Variants in CCDC73 observed in about 807,000 individuals in gnomAD.
CCDC73 encodes coiled-coil domain-containing protein 73.
CCDC73 carries 95 observed loss-of-function variants against 116.5 expected under a neutral mutation model. The ratio of observed to expected loss-of-function variants is 0.82; its 90% confidence interval spans 0.69 to 0.97. The LOEUF is 0.97. Ranked by LOEUF, CCDC73 falls within the 50% of genes least tolerant of loss-of-function variation. CCDC73 has a pLI of 0.00. For missense variants in CCDC73, 1,066 were observed against 1,206.8 expected, an observed-to-expected ratio of 0.88 and a Z score of 1.73; for synonymous variants, 398 against 401.3, an observed-to-expected ratio of 0.99 and a Z score of 0.10.
chr11:32,619,643 A>G (rs1250055973), intron 14 of CCDC73, among the ~76,000 whole-genome samples: 1 of 149,910 alleles, frequency 6.7e-6, no homozygotes, highest in Non-Finnish European at 1.5e-5. Flanking sequence ...ACTGCACTCC[A>G]GCCTGGGTGA....
At chr11:32,789,303 T>C (rs1850654484) in intron 1 of CCDC73, among the ~76,000 whole-genome samples, 1 of 152,174 alleles carries the variant, frequency 6.6e-6, no homozygotes, top group African/African-American at 2.4e-5. Context: ...AGATCAGTTA[T>C]AAAATCAAGT....
chr11:32,825,650 A>G, the CCDC73 span, among the ~76,000 whole-genome samples: 1 of 152,216 alleles, frequency 6.6e-6, no homozygotes, highest in African/African-American at 2.4e-5. Flanking sequence ...ATAGCTAGAA[A>G]TGCCTAATTT....
rs1850128681 is a variant in CCDC73, at chr11:32,736,329, C to T, written c.136-18182G>A. Among the ~76,000 whole-genome samples the T allele has an allele frequency of 2.0e-5, 3 of 152,260 alleles. No individual in the cohort carries two copies. In the South Asian group the frequency reaches 6.2e-4, roughly 32 times the overall value. On this transcript the variant is annotated intron_variant, in intron 2 of 17. Coordinates refer to ENST00000335185, the MANE Select transcript of CCDC73 (RefSeq NM_001008391.4). ...AAATTTACAAGAAAAAAACAAACAA[C>T]CCCATCAAAAAGTGGGCAAAGGATA...
At position 32,614,941 on chromosome 11, in the gene CCDC73, A is replaced by G; in HGVS notation, c.1377T>C (p.Asp459=). ...GSFIEEIIID[D]LQLFEKSFKN... ...TGAAGCTTTTTTCAAAAAGCTGTAA[A>G]TCTGTCATGATGGGAACACAGTAAA... The change falls in exon 16 of 18, where the codon GAT becomes GAC. Residue 459 remains aspartate, a splice_region_variant and synonymous_variant. Coordinates refer to ENST00000335185, the MANE Select transcript of CCDC73 (RefSeq NM_001008391.4). 1.3e-6 allele frequency: 2 copies of G among 1,588,596 alleles called. No homozygotes were observed. The highest frequency in any genetic ancestry group is 1.1e-5 in the South Asian group (1 of 88,626).
chr11:32,732,603 G>T (rs1032145242), intron 2 of CCDC73, among the ~76,000 whole-genome samples: 14 of 152,122 alleles, frequency 9.2e-5, no homozygotes, highest in African/African-American at 3.4e-4. Flanking sequence ...AAGAGAGTGG[G>T]GGCCAATCTT....
the CCDC73 span, among the ~76,000 whole-genome samples, chr11:32,805,751 G>T: frequency 6.6e-6 from 1 of 152,076 alleles, no homozygotes; most frequent in Non-Finnish European, 1.5e-5. Flanking sequence ...AAAAGCTATG[G>T]TATTATTTTT....
At chr11:32,637,140 C>A (rs1855689295) in intron 13 of CCDC73, among the ~76,000 whole-genome samples, 1 of 151,358 alleles carries the variant, frequency 6.6e-6, no homozygotes, top group African/African-American at 2.4e-5. Flanking sequence ...CTGCCTCAGC[C>A]TCCCGAACAG....
chr11:32,742,125 G>C (rs962128743), intron 2 of CCDC73, among the ~76,000 whole-genome samples: 3 of 152,142 alleles, frequency 2.0e-5, no homozygotes, highest in African/African-American at 4.8e-5. Context: ...ACATACGTGT[G>C]CATGTGTCTT....
intron 12 of CCDC73, among the ~76,000 whole-genome samples, chr11:32,652,737 C>T (rs1855837584): frequency 6.6e-6 from 1 of 152,120 alleles, no homozygotes; most frequent in Admixed American, 6.6e-5. Context: ...GAGAGATCTA[C>T]CCCAAACTTC....
chr11:32,823,398 C>A, the CCDC73 span, among the ~76,000 whole-genome samples: 1 of 152,046 alleles, frequency 6.6e-6, no homozygotes, highest in Non-Finnish European at 1.5e-5. Context: ...CGCTTGAACC[C>A]GGGAGGTGGA....
intron 9 of CCDC73, among the ~76,000 whole-genome samples, chr11:32,656,980 C>A (rs917962885): frequency 6.6e-6 from 1 of 151,946 alleles, no homozygotes; most frequent in Non-Finnish European, 1.5e-5. Flanking sequence ...GTTTTAAAAT[C>A]GTATTTAAGC....
At chr11:32,629,470 G>A (rs866583438) in intron 14 of CCDC73, among the ~76,000 whole-genome samples, 6 of 150,910 alleles carry the variant, frequency 4.0e-5, no homozygotes, top group East Asian at 3.9e-4. Context: ...GCGCGATCTC[G>A]GCTCACCACA....
intron 2 of CCDC73, among the ~76,000 whole-genome samples, chr11:32,725,652 G>A (rs577391330): frequency 1.3e-5 from 2 of 152,298 alleles, no homozygotes; most frequent in East Asian, 3.9e-4. Context: ...ATGGGGAGAT[G>A]TGAGTATGAG....
chr11:32,775,981 T>C (rs551936714), intron 1 of CCDC73, among the ~76,000 whole-genome samples: 1 of 152,332 alleles, frequency 6.6e-6, no homozygotes, highest in South Asian at 2.1e-4. Flanking sequence ...AGTAGTATCA[T>C]GTATTCTATT....
At chr11:32,739,270 T>C (rs986453362) in intron 2 of CCDC73, among the ~76,000 whole-genome samples, 2 of 152,152 alleles carry the variant, frequency 1.3e-5, no homozygotes, top group East Asian at 3.8e-4. Flanking sequence ...TTTAAATTTG[T>C]AGATTGCTGT....
At chr11:32,792,442 A>C (rs1850684515) in intron 1 of CCDC73, among the ~76,000 whole-genome samples, 1 of 152,244 alleles carries the variant, frequency 6.6e-6, no homozygotes, top group African/African-American at 2.4e-5. Context: ...AGTTCAAAAA[A>C]AGTTAGGTTA....
chr11:32,687,904 AATG>A (rs1342536700), intron 6 of CCDC73, among the ~76,000 whole-genome samples: 1 of 152,192 alleles, frequency 6.6e-6, no homozygotes, highest in African/African-American at 2.4e-5. Context: ...ATGCTGAAAG[AATG>A]ATGAAGACAT....
chr11:32,617,943 T>C (rs887903849), intron 14 of CCDC73, among the ~76,000 whole-genome samples: 7 of 152,204 alleles, frequency 4.6e-5, no homozygotes, highest in African/African-American at 1.7e-4. Flanking sequence ...ATGGCTATAT[T>C]GCATGATGCT....
chr11:32,785,575 A>AT (rs1382399893), intron 1 of CCDC73, among the ~76,000 whole-genome samples: 2 of 151,250 alleles, frequency 1.3e-5, no homozygotes, highest in East Asian at 2.0e-4. Flanking sequence ...TGAATTTTTT[A>AT]TTTTTTTTAG....
Sources: allele counts gnomAD v4.1 joint callset (sites outside exome capture counted in the v4.1 genomes callset), GRCh38; gene constraint gnomAD v4.1.1; transcripts MANE v1.5; gene names NCBI Gene and HGNC (gene_info 2026-07-23, HGNC 2026-07-21).